The following SAXO1 variants were observed in gnomAD, a reference collection of about 807,000 sequenced individuals.
The protein encoded by SAXO1 is stabilizer of axonemal microtubules 1, also known as 4930500O09Rik.
Under a neutral mutation model 17.5 loss-of-function variants are expected in SAXO1, and 21 were observed. The ratio of observed to expected loss-of-function variants is 1.20; its 90% CI spans 0.85 to 1.72. SAXO1 has a LOEUF of 1.72. SAXO1 is among the 40% of genes most tolerant of loss of function. The pLI, the probability that SAXO1 is intolerant of heterozygous loss-of-function variation, is 0.00. For missense variants in SAXO1, 843 were observed against 596.0 expected (o/e 1.41, Z -4.32); for synonymous variants, 274 against 216.5 (o/e 1.27, Z -2.33).
intron 1 of SAXO1, among the ~76,000 whole-genome samples, chr9:18,972,030 T>C (rs1212796347): frequency 1.3e-5 from 2 of 152,226 alleles, no homozygotes; most frequent in Non-Finnish European, 2.9e-5. Context: ...ATTGTACTTT[T>C]GGTTTATATG....
At chr9:18,956,106 G>A (rs953405104) in intron 1 of SAXO1, among the ~76,000 whole-genome samples, 2 of 128,866 alleles carry the variant, frequency 1.6e-5, no homozygotes, top group Non-Finnish European at 3.3e-5. Flanking sequence ...GCACAACCTG[G>A]CTAATTTTTT....
chr9:18,942,456 A>ATCT (rs1831609817), intron 2 of SAXO1, among the ~76,000 whole-genome samples: 1 of 152,056 alleles, frequency 6.6e-6, no homozygotes, highest in Admixed American at 6.5e-5. Context: ...CTGCGGAGGT[A>ATCT]TCTTCCTTTC....
At chr9:18,960,142 A>C (rs148342204) in intron 1 of SAXO1, among the ~76,000 whole-genome samples, 53 of 152,312 alleles carry the variant, frequency 3.5e-4, no homozygotes, top group Admixed American at 2.2e-3. Context: ...GAAAAGGAAA[A>C]AGAGTTTCTT....
intron 1 of SAXO1, among the ~76,000 whole-genome samples, chr9:19,017,068 G>C (rs1835006954): frequency 1.3e-5 from 2 of 152,068 alleles, no homozygotes; most frequent in Non-Finnish European, 2.9e-5. Context: ...TAGCACTTTG[G>C]GAGGCAGAGG....
rs201332442 is a variant in SAXO1, at chr9:18,941,782, G to A, written c.276C>T (p.Phe92=). 8.4e-5 allele frequency: 135 copies of A among 1,614,038 alleles called. No homozygotes were observed. The highest frequency in any genetic ancestry group is 1.6e-4 in the Middle Eastern group (1 of 6,084). The change falls in exon 3 of 4, where the codon TTC becomes TTT. Residue 92 remains phenylalanine (F), a synonymous_variant. Transcript: ENST00000380534. ...AATCCATATTCTCTTCACTCGGGACGAACTGGTCATACTGGTGGACCTTCA... is the reference window on the plus strand; with the variant it reads ...AATCCATATTCTCTTCACTCGGGACAAACTGGTCATACTGGTGGACCTTCA... ...APVKVHQYDQ[F]VPSEENMDLL... is the part of the protein sequence containing the mutation.
chr9:19,027,198 G>A, intron 1 of SAXO1: 1 of 1,183,764 alleles, frequency 8.4e-7, no homozygotes, highest in Non-Finnish European at 1.3e-6. Flanking sequence ...CCAGAGGAAG[G>A]ACAAGTGTGC....
chr9:18,984,143 G>A (rs1385552289), intron 1 of SAXO1, among the ~76,000 whole-genome samples: 1 of 152,118 alleles, frequency 6.6e-6, no homozygotes, highest in Non-Finnish European at 1.5e-5. Context: ...TCAATAGAAG[G>A]CTTAAAATCT....
At chr9:19,031,987 A>G (rs1835794462) in intron 1 of SAXO1, among the ~76,000 whole-genome samples, 1 of 152,204 alleles carries the variant, frequency 6.6e-6, no homozygotes, top group African/African-American at 2.4e-5. Flanking sequence ...AGCACAATCC[A>G]TGTACCAGGA....
At chr9:19,028,121 A>G (rs971705513) in intron 1 of SAXO1, 6 of 1,607,564 alleles carry the variant, frequency 3.7e-6, no homozygotes, top group Non-Finnish European at 4.3e-6. Flanking sequence ...GCCAACCTAC[A>G]GTACTACGCC....
At chr9:18,957,358 AC>A (rs369176495) in intron 1 of SAXO1, among the ~76,000 whole-genome samples, 1 of 152,168 alleles carries the variant, frequency 6.6e-6, no homozygotes, top group African/African-American at 2.4e-5. Flanking sequence ...GGCCAGCCCT[AC>A]CACTTCAGTA....
At chr9:18,977,789 C>T (rs1317223774) in intron 1 of SAXO1, among the ~76,000 whole-genome samples, 5 of 151,840 alleles carry the variant, frequency 3.3e-5, no homozygotes, top group Admixed American at 6.6e-5. Context: ...AAGTTGGGAG[C>T]TCCACACCAC....
At chr9:18,930,769 G>A (rs574319812) in intron 3 of SAXO1, among the ~76,000 whole-genome samples, 34 of 152,302 alleles carry the variant, frequency 2.2e-4, no homozygotes, top group African/African-American at 8.2e-4. Flanking sequence ...AAAGTGCTGG[G>A]ATCACAGGCG....
chr9:18,945,645 A>G (rs1831760086), intron 2 of SAXO1, among the ~76,000 whole-genome samples: 1 of 152,154 alleles, frequency 6.6e-6, no homozygotes, highest in African/African-American at 2.4e-5. Flanking sequence ...ATGGGATTCC[A>G]AGCCCATGCA....
chr9:18,993,350 C>A (rs1833885087), intron 1 of SAXO1, among the ~76,000 whole-genome samples: 2 of 137,614 alleles, frequency 1.5e-5, no homozygotes, highest in South Asian at 2.5e-4. Flanking sequence ...ACATATTAAA[C>A]AATTACCTCT....
intron 1 of SAXO1, among the ~76,000 whole-genome samples, chr9:18,970,637 AG>A (rs1331046892): frequency 3.3e-5 from 5 of 152,190 alleles, no homozygotes; most frequent in African/African-American, 1.2e-4. Flanking sequence ...GAGTCTCAGC[AG>A]GTGAACTGGT....
rs201231209 is a variant in SAXO1, at chr9:18,993,106, A to ATT, written c.38+39763_38+39764dup. Among the ~76,000 whole-genome samples, 104 of 145,878 alleles carry ATT rather than the reference A, an allele frequency of 7.1e-4. 1 individual carries two copies. The highest frequency in any genetic ancestry group is 2.5e-3 in the African/African-American group (100 of 39,864). ...TGGGCCACCATGCCCAGCCAGAACAATTTTTTTTTTTTTTACTTTAAGTTC... is the reference window on the plus strand; with the variant it reads ...TGGGCCACCATGCCCAGCCAGAACAATTTTTTTTTTTTTTTTACTTTAAGTTC... On this transcript the variant is annotated intron_variant, in intron 1 of 3. Transcript: ENST00000380534.
chr9:19,005,666 T>C (rs1454473204), intron 1 of SAXO1, among the ~76,000 whole-genome samples: 1 of 152,148 alleles, frequency 6.6e-6, no homozygotes, highest in Non-Finnish European at 1.5e-5. Context: ...GAACTAAAAC[T>C]ATACAAACGC....
At chr9:19,006,402 T>C (rs185234348) in intron 1 of SAXO1, among the ~76,000 whole-genome samples, 23 of 152,308 alleles carry the variant, frequency 1.5e-4, no homozygotes, top group African/African-American at 5.5e-4. Flanking sequence ...AAACAAAATG[T>C]GGTGGTAAAC....
chr9:19,046,882 A>C (rs1836229477), intron 1 of SAXO1, among the ~76,000 whole-genome samples: 1 of 151,748 alleles, frequency 6.6e-6, no homozygotes, highest in African/African-American at 2.4e-5. Context: ...TAAATTTAAA[A>C]AATTTTTTTA....
Sources: allele counts gnomAD v4.1 joint callset (sites outside exome capture counted in the v4.1 genomes callset), GRCh38; gene constraint gnomAD v4.1.1; transcripts MANE v1.5; gene names NCBI Gene and HGNC (gene_info 2026-07-23, HGNC 2026-07-21).